The following UBL3 variants were observed in gnomAD, a reference collection of about 807,000 sequenced individuals.
The protein encoded by UBL3 is ubiquitin like 3.
UBL3 carries 6 observed loss-of-function variants against 18.4 expected under a neutral mutation model. That is an observed-to-expected ratio of 0.33 (90% confidence interval 0.18 to 0.64). The LOEUF is 0.64. Ranked by LOEUF, UBL3 falls within the 30% of genes least tolerant of loss-of-function variation. The pLI, the probability that UBL3 is intolerant of heterozygous loss-of-function variation, is 0.76. For synonymous variants in UBL3, 49 were observed against 46.6 expected (o/e 1.05, Z -0.21); for missense variants, 109 against 142.9 (o/e 0.76, Z 1.21).
intron 1 of UBL3, among the ~76,000 whole-genome samples, chr13:29,831,318 G>A (rs1046603213): frequency 5.3e-5 from 8 of 152,222 alleles, no homozygotes; most frequent in Admixed American, 2.0e-4. Context: ...TGCTGGGCGC[G>A]GTGGCTCACG....
intron 1 of UBL3, among the ~76,000 whole-genome samples, chr13:29,834,429 G>A (rs1055962544): frequency 6.6e-6 from 1 of 151,780 alleles, no homozygotes; most frequent in African/African-American, 2.4e-5. Flanking sequence ...ACAAAATAAT[G>A]AGAAAGATTT....
intron 3 of UBL3, among the ~76,000 whole-genome samples, chr13:29,768,996 T>A (rs2139305082): frequency 6.6e-6 from 1 of 152,220 alleles, no homozygotes; most frequent in South Asian, 2.1e-4. Flanking sequence ...TCCAACTGTG[T>A]AACTCTCAGC....
intron 1 of UBL3, among the ~76,000 whole-genome samples, chr13:29,838,926 G>GA (rs957807277): frequency 8.7e-5 from 13 of 149,852 alleles, no homozygotes; most frequent in East Asian, 3.9e-4. Context: ...GAAATGGATA[G>GA]AAAAAAAAAG....
At position 29,780,367 on chromosome 13, in the gene UBL3, A is replaced by AAAAAAAAAAAAT. The variant is rs1359464345; in HGVS notation, c.28-3105_28-3104insATTTTTTTTTTT. Reference sequence around the variant, plus strand: ...AGACTCTGTCTCAAAAAAAAAAAAAAATATATATATATATATATATATATG... The same window carrying AAAAAAAAAAAAT: ...AGACTCTGTCTCAAAAAAAAAAAAAAAAAAAAAAAAATATATATATATATATATATATATATG... On this transcript the variant is annotated intron_variant, in intron 1 of 4. Transcript: ENST00000380680. 3.1e-3 allele frequency among the ~76,000 whole-genome samples: 315 copies of AAAAAAAAAAAAT among 103,164 alleles called. 3 individuals are homozygous for AAAAAAAAAAAAT. Among genetic ancestry groups the AAAAAAAAAAAAT allele is most frequent in the East Asian group, 9.7e-3 (25 of 2,588 alleles). 67.7% of individuals were successfully genotyped at this position (103,164 alleles called of 152,430 possible). A position where few individuals can be genotyped will look rare whatever the true frequency, so the allele number is the denominator to read the frequency against.
At chr13:29,836,529 C>G (rs1878967283) in intron 1 of UBL3, among the ~76,000 whole-genome samples, 1 of 151,834 alleles carries the variant, frequency 6.6e-6, no homozygotes, top group African/African-American at 2.4e-5. Flanking sequence ...CGGAGAACAA[C>G]CAAGGGTCAG....
intron 2 of UBL3, 115 bp downstream of exon 2, chr13:29,777,040 C>T: frequency 1.3e-6 from 1 of 745,052 alleles, no homozygotes; most frequent in Non-Finnish European, 2.1e-6. Flanking sequence ...GAGCCTTATA[C>T]TCTCAATTTT....
chr13:29,818,902 A>G (rs1878353806), intron 1 of UBL3, among the ~76,000 whole-genome samples: 1 of 152,210 alleles, frequency 6.6e-6, no homozygotes, highest in Non-Finnish European at 1.5e-5. Flanking sequence ...GCATCTTTAC[A>G]TGCTTTATAT....
intron 1 of UBL3, among the ~76,000 whole-genome samples, chr13:29,778,558 T>C (rs996486799): frequency 1.3e-5 from 2 of 152,152 alleles, no homozygotes; most frequent in Non-Finnish European, 2.9e-5. Context: ...CCAGTTTGAA[T>C]TGTGCCAGGT....
chr13:29,807,434 A>C (rs1877923896), intron 1 of UBL3, among the ~76,000 whole-genome samples: 1 of 152,146 alleles, frequency 6.6e-6, no homozygotes, highest in Non-Finnish European at 1.5e-5. Context: ...TCTGTGATTT[A>C]AGTACCTCAG....
At chr13:29,810,000 A>G (rs929933067) in intron 1 of UBL3, among the ~76,000 whole-genome samples, 6 of 152,042 alleles carry the variant, frequency 3.9e-5, no homozygotes, top group Non-Finnish European at 8.8e-5. Flanking sequence ...TTTTTCCTGG[A>G]TATTTTCAAT....
At chr13:29,784,539 G>T (rs1593654319) in intron 1 of UBL3, among the ~76,000 whole-genome samples, 2 of 145,564 alleles carry the variant, frequency 1.4e-5, no homozygotes, top group South Asian at 2.6e-4. Context: ...AGTGGGAAAG[G>T]TATTAGACCC....
intron 1 of UBL3, among the ~76,000 whole-genome samples, chr13:29,811,593 C>A (rs992689887): frequency 1.2e-4 from 18 of 152,070 alleles, no homozygotes; most frequent in African/African-American, 3.9e-4. Context: ...CATGCCATTC[C>A]TCACCAGTTG....
rs148814652 is a variant in UBL3 at position 29,847,349 on chromosome 13, T to G, written c.27+2163A>C. On this transcript the variant is annotated intron_variant, in intron 1 of 4. Transcript: ENST00000380680. ...GGCATTATATATTTATTACATAATA[T>G]TGCTTTGCCCTTGCATATCACCTTT... Among the ~76,000 whole-genome samples, 538 of 152,372 alleles carry G rather than the reference T, an allele frequency of 3.5e-3. 10 individuals carry two copies. The highest frequency in any genetic ancestry group is 0.012 in the African/African-American group (506 of 41,590).
intron 3 of UBL3, among the ~76,000 whole-genome samples, chr13:29,771,246 A>G (rs1876832793): frequency 6.6e-6 from 1 of 152,054 alleles, no homozygotes; most frequent in Non-Finnish European, 1.5e-5. Context: ...AGTGAAATAT[A>G]TATTTAGATA....
chr13:29,801,019 C>T (rs959025715), intron 1 of UBL3, among the ~76,000 whole-genome samples: 3 of 152,200 alleles, frequency 2.0e-5, no homozygotes, highest in Admixed American at 6.5e-5. Flanking sequence ...CCCAGCACAT[C>T]CACCCTGCCC....
chr13:29,773,517 A>G (rs1876901200), intron 2 of UBL3, among the ~76,000 whole-genome samples: 1 of 152,216 alleles, frequency 6.6e-6, no homozygotes, highest in African/African-American at 2.4e-5. Flanking sequence ...CCATAGATAC[A>G]AAGGTAAATG....
At chr13:29,788,884 CACGCGCACGTGTGT>C (rs1163391957) in intron 1 of UBL3, among the ~76,000 whole-genome samples, 1 of 28,418 alleles carries the variant, frequency 3.5e-5, no homozygotes, top group African/African-American at 8.5e-5. Flanking sequence ...CGCGCGCGCG[CACGCGCACGTGTGT>C]GCGTGTGTGT....
intron 1 of UBL3, among the ~76,000 whole-genome samples, chr13:29,802,743 C>A (rs997778778): frequency 2.0e-5 from 3 of 151,752 alleles, no homozygotes; most frequent in African/African-American, 4.8e-5. Context: ...CTCAGTCAGA[C>A]AAAAACAACA....
intron 1 of UBL3, among the ~76,000 whole-genome samples, chr13:29,846,458 T>C (rs1457628128): frequency 6.6e-6 from 1 of 152,146 alleles, no homozygotes; most frequent in Non-Finnish European, 1.5e-5. Context: ...AATTGACATT[T>C]GGATCATTAA....
Sources: allele counts gnomAD v4.1 joint callset (sites outside exome capture counted in the v4.1 genomes callset), GRCh38; gene constraint gnomAD v4.1.1; transcripts MANE v1.5; gene names NCBI Gene and HGNC (gene_info 2026-07-23, HGNC 2026-07-21).